Variants in SUPT3H observed in about 807,000 individuals in gnomAD.
The protein encoded by SUPT3H is SPT3 homolog, SAGA and STAGA complex component, also known as transcription initiation protein SPT3 homolog.
A neutral mutation model predicts 44.3 loss-of-function variants in SUPT3H; 44 were observed. The observed-to-expected ratio is 0.99, with a 90% CI of 0.78 to 1.28. The LOEUF is 1.28. Among genes scored for constraint, SUPT3H ranks in the 50% most tolerant of loss-of-function variants. The pLI, the probability that SUPT3H is intolerant of heterozygous loss-of-function variation, is 0.00. For missense variants in SUPT3H, 380 were observed against 387.1 expected (o/e 0.98, Z 0.15); for synonymous variants, 124 against 125.6 (o/e 0.99, Z 0.09).
At chr6:44,923,535 T>C (rs771214532) in intron 10 of SUPT3H, among the ~76,000 whole-genome samples, 7 of 152,136 alleles carry the variant, frequency 4.6e-5, no homozygotes, top group African/African-American at 7.2e-5. Context: ...CTGAATAAAA[T>C]TGTGCAAGTA....
At chr6:45,364,518 C>T (rs1049590152) in intron 2 of SUPT3H, among the ~76,000 whole-genome samples, 2 of 151,108 alleles carry the variant, frequency 1.3e-5, no homozygotes, top group Non-Finnish European at 2.9e-5. Context: ...ACAAAATTGT[C>T]TCCTGAACCA....
intron 2 of SUPT3H, among the ~76,000 whole-genome samples, chr6:45,281,090 A>G (rs188417762): frequency 6.6e-6 from 1 of 152,342 alleles, no homozygotes; most frequent in Admixed American, 6.5e-5. Context: ...AGTTTTTAAT[A>G]TCTTTAAAAA....
At chr6:44,969,917 A>G (rs1280685959) in intron 6 of SUPT3H, among the ~76,000 whole-genome samples, 1 of 152,206 alleles carries the variant, frequency 6.6e-6, no homozygotes, top group Non-Finnish European at 1.5e-5. Context: ...AGAGCTGTAG[A>G]CCCTAGAAGA....
intron 2 of SUPT3H, among the ~76,000 whole-genome samples, chr6:45,325,961 C>T (rs1457173867): frequency 6.6e-6 from 1 of 151,814 alleles, no homozygotes; most frequent in Non-Finnish European, 1.5e-5. Context: ...TATCTTTCTC[C>T]TGCTAGAATT....
chr6:45,257,714 C>T lies in SUPT3H; in HGVS notation c.101+107487G>A, dbSNP rs543849495. Among the ~76,000 whole-genome samples the T allele has an allele frequency of 2.0e-4, 31 of 152,234 alleles. 1 individual carries two copies. In the South Asian group the frequency reaches 6.4e-3, roughly 32 times the overall value. On this transcript the variant is annotated intron_variant, in intron 2 of 10. Coordinates refer to ENST00000371459, the MANE Select transcript of SUPT3H (RefSeq NM_003599.4). The stretch of plus-strand genomic sequence containing the variant: ...TGGAAGGTGAAAGGGCAAGAGAGAA[C>T]AAGAGGGAGCCAAACTCACCCTTTT...
chr6:45,334,611 C>A (rs1035368815), intron 2 of SUPT3H, among the ~76,000 whole-genome samples: 2 of 151,062 alleles, frequency 1.3e-5, no homozygotes, highest in Non-Finnish European at 3.0e-5. Context: ...TATTTTTACA[C>A]CGAAACAAAA....
At chr6:44,894,460 C>CAAT (rs778249300) in intron 10 of SUPT3H, among the ~76,000 whole-genome samples, 3,092 of 152,272 alleles carry the variant, frequency 0.02, 41 homozygotes, top group Non-Finnish European at 0.032. Flanking sequence ...GTTTTCCCAG[C>CAAT]ACCATTTATA....
chr6:45,056,907 G>C (rs954418942), intron 3 of SUPT3H, among the ~76,000 whole-genome samples: 4 of 151,926 alleles, frequency 2.6e-5, no homozygotes, highest in East Asian at 3.9e-4. Context: ...TGCAAAGAAA[G>C]AGAAAAAATC....
intron 2 of SUPT3H, 45 bp from the exon 3 acceptor site, chr6:45,106,051 T>A (rs1227835011): frequency 2.8e-6 from 4 of 1,446,784 alleles, no homozygotes; most frequent in Admixed American, 1.7e-5. Context: ...ACTATAAAAC[T>A]AAGAAAGGCA....
At chr6:45,061,089 T>A (rs1791930448) in intron 3 of SUPT3H, among the ~76,000 whole-genome samples, 1 of 152,144 alleles carries the variant, frequency 6.6e-6, no homozygotes, top group Non-Finnish European at 1.5e-5. Context: ...AGCAATGCCA[T>A]TACTGGGTAT....
chr6:45,124,088 T>C (rs1370195479), intron 2 of SUPT3H, among the ~76,000 whole-genome samples: 1 of 152,144 alleles, frequency 6.6e-6, no homozygotes, highest in Non-Finnish European at 1.5e-5. Flanking sequence ...GAGTGACTAG[T>C]AGCTGACCAT....
chr6:45,036,191 T>C (rs4398713), intron 3 of SUPT3H, among the ~76,000 whole-genome samples: 79,743 of 151,890 alleles, frequency 0.53, 21,065 homozygotes, highest in East Asian at 0.7. Context: ...TCATAATAAC[T>C]GCTATGCCAA....
At chr6:44,824,992 T>C (rs924194986), downstream of SUPT3H, among the ~76,000 whole-genome samples, 4 of 152,224 alleles carry the variant, frequency 2.6e-5, no homozygotes, top group Non-Finnish European at 5.9e-5. Flanking sequence ...TATGTACTTT[T>C]GTATCTGCTG....
chr6:45,118,501 C>A (rs755621858), intron 2 of SUPT3H, among the ~76,000 whole-genome samples: 3 of 152,104 alleles, frequency 2.0e-5, no homozygotes, highest in Non-Finnish European at 2.9e-5. Context: ...CATCTGGCTT[C>A]TCTCTGGTTC....
intron 2 of SUPT3H, among the ~76,000 whole-genome samples, chr6:45,226,842 T>TA (rs1188429678): frequency 6.6e-6 from 1 of 151,784 alleles, no homozygotes; most frequent in South Asian, 2.1e-4. Context: ...AAAAATATTT[T>TA]AAAAAAACTA....
rs1413842041 is a variant in SUPT3H at position 44,828,333 on chromosome 6, ATAT to A, written c.*1480_*1482del. 6.6e-6 allele frequency among the ~76,000 whole-genome samples: 1 copy of A among 152,120 alleles called. No homozygotes were observed. Among genetic ancestry groups the A allele is most frequent in the Non-Finnish European group, 1.5e-5 (1 of 67,986 alleles). ...ATCAAAATCCTTTGGGAATATTTTG[ATAT>A]TATATATCTATCCGTGCTTTTTGTT... On this transcript the variant is annotated 3_prime_UTR_variant, in exon 11 of 11. Coordinates refer to ENST00000371459, the MANE Select transcript of SUPT3H (RefSeq NM_003599.4).
At chr6:45,134,294 A>T (rs958738891) in intron 2 of SUPT3H, among the ~76,000 whole-genome samples, 5 of 152,214 alleles carry the variant, frequency 3.3e-5, no homozygotes, top group African/African-American at 1.2e-4. Flanking sequence ...AGGGAGACAA[A>T]GCCCTCATGA....
intron 2 of SUPT3H, among the ~76,000 whole-genome samples, chr6:45,145,247 A>G (rs921810864): frequency 2.6e-5 from 4 of 152,172 alleles, no homozygotes; most frequent in Admixed American, 2.0e-4. Context: ...TAGAGGCATC[A>G]TATTACCTGA....
At chr6:44,903,945 A>G (rs887994440) in intron 10 of SUPT3H, among the ~76,000 whole-genome samples, 4 of 152,204 alleles carry the variant, frequency 2.6e-5, no homozygotes, top group Admixed American at 1.3e-4. Context: ...GATTATCTCA[A>G]TAGATGCAGA....
Sources: gnomAD v4.1 joint callset for allele counts (sites outside exome capture counted in the v4.1 genomes callset) on GRCh38, gnomAD v4.1.1 for gene constraint, MANE v1.5 for transcripts, NCBI Gene and HGNC (gene_info 2026-07-23, HGNC 2026-07-21) for gene names.